SI: variants seen among roughly 807,000 people sequenced by gnomAD.
SI encodes sucrase-isomaltase, also known as sucrase-isomaltase, intestinal.
SI carries 235 observed loss-of-function variants against 253.3 expected under a neutral mutation model. The observed-to-expected ratio is 0.93, with a 90% CI of 0.83 to 1.03. The LOEUF is 1.03. Among genes scored for constraint, SI ranks in the 50% least tolerant of loss-of-function variants. The probability of loss-of-function intolerance (pLI) is 0.00; values close to 1 mark genes in which losing one functional copy is unlikely to be tolerated. For missense variants in SI, 2,442 were observed against 2,211.1 expected (o/e 1.10, Z -2.09); for synonymous variants, 819 against 712.0 (o/e 1.15, Z -2.39).
rs368467472 is a variant in SI at position 165,059,236 on chromosome 3, C to T, written c.1210G>A (p.Ala404Thr). 1 of 1,612,548 alleles carries T rather than the reference C, an allele frequency of 6.2e-7. No homozygotes were observed. The highest frequency in any genetic ancestry group is 8.5e-7 in the Non-Finnish European group (1 of 1,179,160). The change falls in exon 11 of 48, where the codon GCG becomes ACG. Residue 404 changes from alanine (A) to threonine (T), a missense_variant. Transcript: ENST00000264382. ...ACAAATTGAGGGAGTCCGTTAAACGCAACTTGATCATAAGTAAAGTCTTTC... is the reference window on the plus strand; with the variant it reads ...ACAAATTGAGGGAGTCCGTTAAACGTAACTTGATCATAAGTAAAGTCTTTC... The part of the protein sequence containing the change: ...DKKDFTYDQV[A>T]FNGLPQFVQD...
At chr3:164,991,295 C>G in intron 44 of SI, 58 bp downstream of exon 44, 1 of 1,596,316 alleles carries the variant, frequency 6.3e-7, no homozygotes, top group Non-Finnish European at 8.6e-7. Context: ...TATTTCTTAA[C>G]AATGCTAGCA....
At chr3:164,988,552 G>C (rs868826123) in intron 44 of SI, among the ~76,000 whole-genome samples, 5 of 152,246 alleles carry the variant, frequency 3.3e-5, no homozygotes, top group African/African-American at 1.2e-4. Flanking sequence ...GTGCAATAAT[G>C]TCTCTCCTCT....
rs1299228069 is a variant in SI at position 165,065,405 on chromosome 3, C to T, written c.663G>A (p.Val221=). The T allele has an allele frequency of 1.9e-6, 3 of 1,557,714 alleles. No homozygotes were observed. The highest frequency in any genetic ancestry group is 2.6e-6 in the Non-Finnish European group (3 of 1,143,314). ...AGATCTGTAAGTACTGGTCAGAGTACACTAAGGGACCAATGCTGGTGTCAA... is the reference window on the plus strand; with the variant it reads ...AGATCTGTAAGTACTGGTCAGAGTATACTAAGGGACCAATGCTGGTGTCAA... ...TLFDTSIGPL[V]YSDQYLQIST... is the part of the protein sequence containing the mutation. The change falls in exon 7 of 48, where the codon GTG becomes GTA. Residue 221 remains valine, a synonymous_variant. Transcript: ENST00000264382.
rs773651612 is a variant in SI, at chr3:165,039,145, G to A, written c.2245-11C>T. On this transcript the variant is annotated splice_polypyrimidine_tract_variant and intron_variant, in intron 19 of 47. Coordinates refer to ENST00000264382, the MANE Select transcript of SI (RefSeq NM_001041.4). ...CACAGTATCTGCTCCCTAAAATAAAGATAATATGTATTTTTTAATTTCAAT... is the reference window on the plus strand; with the variant it reads ...CACAGTATCTGCTCCCTAAAATAAAAATAATATGTATTTTTTAATTTCAAT... 1.9e-6 allele frequency: 3 copies of A among 1,538,552 alleles called. No homozygotes were observed. Among genetic ancestry groups the A allele is most frequent in the Non-Finnish European group, 2.7e-6 (3 of 1,114,692 alleles).
chr3:164,987,917 G>A (rs1433818966), intron 44 of SI, among the ~76,000 whole-genome samples: 1 of 152,062 alleles, frequency 6.6e-6, no homozygotes, highest in Non-Finnish European at 1.5e-5. Context: ...AATCTTTTCT[G>A]ACTTAAGCCT....
the SI span, among the ~76,000 whole-genome samples, chr3:165,087,234 G>A: frequency 6.6e-6 from 1 of 152,068 alleles, no homozygotes; most frequent in Admixed American, 6.6e-5. Context: ...CACTGGGTTG[G>A]GACAGAATCA....
In SI at chr3:165,059,306, G is replaced by A. The variant is rs1485716506; in HGVS notation, c.1147-7C>T. ...TATCAGTGACCTGTGTATCCTGAAAGTTAGAAGATTGTATTTCAATACATA... is the reference window on the plus strand; with the variant it reads ...TATCAGTGACCTGTGTATCCTGAAAATTAGAAGATTGTATTTCAATACATA... On this transcript the variant is annotated splice_polypyrimidine_tract_variant and splice_region_variant and intron_variant, in intron 10 of 47. Coordinates refer to ENST00000264382, the MANE Select transcript of SI (RefSeq NM_001041.4). The A allele has an allele frequency of 1.2e-6, 2 of 1,611,512 alleles. No homozygotes were observed. Among genetic ancestry groups the A allele is most frequent in the Admixed American group, 3.3e-5 (2 of 59,840 alleles).
chr3:165,069,764 T>G (rs1714438997), intron 3 of SI, among the ~76,000 whole-genome samples: 1 of 151,938 alleles, frequency 6.6e-6, no homozygotes, highest in South Asian at 2.1e-4. Flanking sequence ...CTCAGTAATT[T>G]TATTAACCAT....
intron 45 of SI, among the ~76,000 whole-genome samples, chr3:164,984,266 TATACA>T (rs1237284095): frequency 6.6e-6 from 1 of 152,096 alleles, no homozygotes; most frequent in African/African-American, 2.4e-5. Context: ...CTTATCTACT[TATACA>T]CATCAGGGCT....
chr3:165,089,588 T>G, the SI span, among the ~76,000 whole-genome samples: 1 of 152,136 alleles, frequency 6.6e-6, no homozygotes, highest in African/African-American at 2.4e-5. Flanking sequence ...CTGCTCTTCT[T>G]TGACAACATC....
chr3:165,068,879 T>C, intron 4 of SI, 48 bp from the exon 5 acceptor site: 2 of 1,210,762 alleles, frequency 1.7e-6, no homozygotes, highest in South Asian at 2.4e-5. Flanking sequence ...TTTATAATGT[T>C]AACAATTATT....
intron 16 of SI, among the ~76,000 whole-genome samples, chr3:165,045,704 GT>G (rs1713066090): frequency 6.7e-6 from 1 of 149,716 alleles, no homozygotes; most frequent in Admixed American, 6.7e-5. Flanking sequence ...AAATCAGTAA[GT>G]TTTTCTTTAA....
At chr3:165,052,012 T>A (rs1329498669) in intron 13 of SI, among the ~76,000 whole-genome samples, 2 of 151,834 alleles carry the variant, frequency 1.3e-5, no homozygotes, top group African/African-American at 2.4e-5. Flanking sequence ...TGAGGCAAAA[T>A]TTTTTTTCAT....
the SI span, among the ~76,000 whole-genome samples, chr3:165,088,879 G>A: frequency 1.3e-5 from 2 of 151,716 alleles, no homozygotes; most frequent in African/African-American, 2.4e-5. Flanking sequence ...CTTTAACTAT[G>A]ATTTGGATTC....
At chr3:165,007,013 G>A in intron 36 of SI, 59 bp from the exon 37 acceptor site, 1 of 1,193,228 alleles carries the variant, frequency 8.4e-7, no homozygotes, top group Non-Finnish European at 1.2e-6. Flanking sequence ...AATGAAACGT[G>A]TAACTCATAA....
chr3:164,987,923 A>C (rs979163967), intron 44 of SI, among the ~76,000 whole-genome samples: 1 of 152,302 alleles, frequency 6.6e-6, no homozygotes, highest in East Asian at 1.9e-4. Context: ...TTCTGACTTA[A>C]GCCTTCCTCA....
intron 13 of SI, among the ~76,000 whole-genome samples, chr3:165,052,432 G>C (rs1161659849): frequency 6.6e-6 from 1 of 152,042 alleles, no homozygotes. Flanking sequence ...AAGGCGGGTG[G>C]ATCATTTGAG....
chr3:165,040,908 G>T (rs201617311), intron 18 of SI, 32 bp downstream of exon 18: 2 of 1,538,106 alleles, frequency 1.3e-6, no homozygotes, highest in East Asian at 2.3e-5. Context: ...ACTTTAAAAG[G>T]TATTATTATA....
At chr3:165,020,698 T>C (rs975634519) in intron 27 of SI, among the ~76,000 whole-genome samples, 2 of 151,584 alleles carry the variant, frequency 1.3e-5, no homozygotes, top group African/African-American at 4.8e-5. Context: ...TATATTTTAA[T>C]ATATTATAGT....
Sources: allele counts gnomAD v4.1 joint callset (sites outside exome capture counted in the v4.1 genomes callset), GRCh38; gene constraint gnomAD v4.1.1; transcripts MANE v1.5; gene names NCBI Gene and HGNC (gene_info 2026-07-23, HGNC 2026-07-21).